PPP2R2B: variants seen among roughly 807,000 people sequenced by gnomAD.
The protein encoded by PPP2R2B is serine/threonine-protein phosphatase 2A 55 kDa regulatory subunit B beta isoform.
In PPP2R2B, 5 loss-of-function variants were observed where a neutral mutation model predicts 46.0. The observed-to-expected ratio is 0.11, with a 90% CI of 0.06 to 0.23. The LOEUF (loss-of-function observed/expected upper bound fraction) is 0.23, where lower values mean the gene tolerates loss of function less well. Ranked by LOEUF, PPP2R2B falls within the 10% of genes least tolerant of loss-of-function variation. The probability of loss-of-function intolerance (pLI) is 1.00; values close to 1 mark genes in which losing one functional copy is unlikely to be tolerated. For missense variants in PPP2R2B, 367 were observed against 575.0 expected (o/e 0.64, Z 3.70); for synonymous variants, 215 against 206.7 (o/e 1.04, Z -0.34).
At position 146,966,159 on chromosome 5, in the gene PPP2R2B, G is replaced by A. The variant is rs568099467; in HGVS notation, c.79+89506C>T. 6.6e-5 allele frequency among the ~76,000 whole-genome samples: 10 copies of A among 152,290 alleles called. No homozygotes were observed. The East Asian group carries it at 1.5e-3, about 23-fold the overall frequency. ...ACCGTAGTTGGTGTTCTTAGCTAAT[G>A]GTCCTTTGGCTGCCTGCGATATTAG... On this transcript the variant is annotated intron_variant, in intron 1 of 8. Transcript: ENST00000336640.
intron 1 of PPP2R2B, among the ~76,000 whole-genome samples, chr5:146,902,473 A>G (rs1762866382): frequency 1.3e-5 from 2 of 152,188 alleles, no homozygotes; most frequent in African/African-American, 4.8e-5. Flanking sequence ...TAATACAAAT[A>G]ATGCTTACCA....
chr5:146,923,712 T>C (rs1168596160), intron 1 of PPP2R2B, among the ~76,000 whole-genome samples: 2 of 152,188 alleles, frequency 1.3e-5, no homozygotes, highest in Admixed American at 6.5e-5. Context: ...AGCAATCCCA[T>C]TACTGGGTAT....
chr5:146,644,723 G>A (rs1314304438), intron 6 of PPP2R2B, among the ~76,000 whole-genome samples: 1 of 152,162 alleles, frequency 6.6e-6, no homozygotes, highest in Non-Finnish European at 1.5e-5. Context: ...GCCTATAAAT[G>A]GGTGTAACCC....
intron 5 of PPP2R2B, among the ~76,000 whole-genome samples, chr5:146,689,328 T>C (rs774440682): frequency 1.3e-4 from 20 of 152,210 alleles, no homozygotes; most frequent in Non-Finnish European, 2.4e-4. Context: ...ACATGCCACA[T>C]GATGTTTTGG....
upstream of PPP2R2B, chr5:146,878,996 T>G (rs114212149): frequency 9.9e-7 from 1 of 1,010,388 alleles, no homozygotes. The surrounding 1 kb of genome is among the most constrained non-coding windows in gnomAD (Gnocchi z 4.5). Flanking sequence ...GCCACTCAGC[T>G]AAGGGCCACG....
At chr5:146,607,292 T>C (rs1772387011) in intron 7 of PPP2R2B, 1 of 152,126 alleles carries the variant, frequency 6.6e-6, no homozygotes, top group African/African-American at 2.4e-5. Context: ...GGTTTAAGAT[T>C]TAATTAGTGG....
intron 2 of PPP2R2B, among the ~76,000 whole-genome samples, chr5:146,816,090 T>C (rs1394399943): frequency 6.6e-6 from 1 of 152,078 alleles, no homozygotes; most frequent in Non-Finnish European, 1.5e-5. Context: ...AATATTCCCC[T>C]CCAAAGTGTA....
chr5:146,931,059 A>AT lies in PPP2R2B; in HGVS notation c.79+124605dup, dbSNP rs905510415. 6.4e-3 allele frequency among the ~76,000 whole-genome samples: 960 copies of AT among 149,562 alleles called. 8 individuals carry two copies. The highest frequency in any genetic ancestry group is 0.022 in the African/African-American group (909 of 40,926). On this transcript the variant is annotated intron_variant, in intron 1 of 8. Transcript: ENST00000336640. ...TTTGTTTGCTATTGTGCCAAAGATA[A>AT]TTTTTTTTTTAGTGCTCTTCTATAC...
At chr5:146,909,165 C>T (rs1763099747) in intron 1 of PPP2R2B, among the ~76,000 whole-genome samples, 1 of 152,152 alleles carries the variant, frequency 6.6e-6, no homozygotes, top group Non-Finnish European at 1.5e-5. Context: ...ATTACCACAA[C>T]ATAAATTTAC....
chr5:146,727,606 C>T (rs549827219), intron 2 of PPP2R2B, among the ~76,000 whole-genome samples: 2 of 151,746 alleles, frequency 1.3e-5, no homozygotes, highest in African/African-American at 4.8e-5. Flanking sequence ...AGTAACAGCC[C>T]GGACTTCACC....
intron 5 of PPP2R2B, among the ~76,000 whole-genome samples, chr5:146,662,125 C>T (rs1776712297): frequency 6.6e-6 from 1 of 152,122 alleles, no homozygotes; most frequent in African/African-American, 2.4e-5. Flanking sequence ...TCCGAAGTAT[C>T]ACACTGCATT....
chr5:146,686,726 G>A (rs1433069375), intron 5 of PPP2R2B, among the ~76,000 whole-genome samples: 2 of 152,100 alleles, frequency 1.3e-5, no homozygotes, highest in African/African-American at 2.4e-5. Context: ...GGTTCCCAGG[G>A]CACTGGCAGC....
intron 1 of PPP2R2B, among the ~76,000 whole-genome samples, chr5:146,924,827 A>G (rs1763726706): frequency 1.3e-5 from 2 of 152,248 alleles, no homozygotes; most frequent in East Asian, 1.9e-4. Context: ...GCTGAGAATG[A>G]TGGTTTCCAG....
chr5:146,684,960 A>G (rs1364019010), intron 5 of PPP2R2B, among the ~76,000 whole-genome samples: 1 of 152,180 alleles, frequency 6.6e-6, no homozygotes, highest in Non-Finnish European at 1.5e-5. Context: ...TTTAAGAACC[A>G]ATGATTGAAT....
chr5:146,786,319 T>C (rs1755835554), intron 2 of PPP2R2B, among the ~76,000 whole-genome samples: 1 of 152,138 alleles, frequency 6.6e-6, no homozygotes, highest in Non-Finnish European at 1.5e-5. Context: ...GATACACACA[T>C]CAGGAAACAC....
At position 146,701,029 on chromosome 5, in the gene PPP2R2B, A is replaced by G. The variant is rs1228282401; in HGVS notation, c.168+16T>C. 2 of 1,592,980 alleles carry G rather than the reference A, an allele frequency of 1.3e-6. No homozygotes were observed. Among genetic ancestry groups the G allele is most frequent in the Non-Finnish European group, 8.6e-7 (1 of 1,160,776 alleles). Reference sequence around the variant, plus strand: ...AAAGTGAAGAAAATGGGCATTTTGCATTCACCACCACTTACCTCCTGCTCT... The same window carrying G: ...AAAGTGAAGAAAATGGGCATTTTGCGTTCACCACCACTTACCTCCTGCTCT... On this transcript the variant is annotated intron_variant, in intron 3 of 9. Coordinates refer to ENST00000394411, the MANE Select transcript of PPP2R2B (RefSeq NM_181675.4).
At chr5:146,781,175 T>TATATATATATAA (rs1347279752) in intron 2 of PPP2R2B, among the ~76,000 whole-genome samples, 1 of 116,446 alleles carries the variant, frequency 8.6e-6, no homozygotes, top group Non-Finnish European at 1.8e-5. Flanking sequence ...TATATATATA[T>TATATATATATAA]AAAATTATTC....
At chr5:146,781,315 C>T (rs1246803415) in intron 2 of PPP2R2B, among the ~76,000 whole-genome samples, 1 of 150,936 alleles carries the variant, frequency 6.6e-6, no homozygotes, top group African/African-American at 2.4e-5. Flanking sequence ...CTACATTATC[C>T]TGCCTCTCTC....
chr5:146,670,216 A>T lies in PPP2R2B; in HGVS notation c.448-19492T>A, dbSNP rs549009939. ...AATGTTTGTTGAATGAATTTAAAAG[A>T]ATTTAAAAACAAAATCAGATTTTTC... On this transcript the variant is annotated intron_variant, in intron 5 of 9. Transcript: ENST00000394411. Among the ~76,000 whole-genome samples, 234 of 152,308 alleles carry T rather than the reference A, an allele frequency of 1.5e-3. 2 individuals carry two copies. In the South Asian group the frequency reaches 0.029, roughly 19 times the overall value.
Sources: gnomAD v4.1 joint callset for allele counts (sites outside exome capture counted in the v4.1 genomes callset) on GRCh38, gnomAD v4.1.1 for gene constraint, Gnocchi (gnomAD v3.1) non-coding constraint, MANE v1.5 for transcripts, NCBI Gene and HGNC (gene_info 2026-07-23, HGNC 2026-07-21) for gene names.